The following ZNF804B variants were observed in gnomAD, a reference collection of about 807,000 sequenced individuals.
ZNF804B encodes zinc finger 804B.
Under a neutral mutation model 101.4 loss-of-function variants are expected in ZNF804B, and 80 were observed. The observed-to-expected ratio is 0.79, with a 90% CI of 0.66 to 0.95. The LOEUF is 0.95. Among genes scored for constraint, ZNF804B ranks in the 40% least tolerant of loss-of-function variants. The probability of loss-of-function intolerance (pLI) is 0.00; values close to 1 mark genes in which losing one functional copy is unlikely to be tolerated. For missense variants in ZNF804B, 1,673 were observed against 1,561.9 expected, an observed-to-expected ratio of 1.07 and a Z score of -1.20; for synonymous variants, 622 against 558.8, an observed-to-expected ratio of 1.11 and a Z score of -1.59.
intron 1 of ZNF804B, among the ~76,000 whole-genome samples, chr7:88,768,489 G>A (rs1448677667): frequency 6.6e-6 from 1 of 152,206 alleles, no homozygotes; most frequent in East Asian, 1.9e-4. Context: ...AGGCCCAGGT[G>A]GGCAGATTGC....
At chr7:88,818,977 G>C (rs1241443631) in intron 1 of ZNF804B, among the ~76,000 whole-genome samples, 1 of 152,002 alleles carries the variant, frequency 6.6e-6, no homozygotes, top group Non-Finnish European at 1.5e-5. Context: ...AACATTTTAG[G>C]CTCCTCATAC....
At chr7:88,925,634 C>T (rs1246303616) in intron 1 of ZNF804B, among the ~76,000 whole-genome samples, 1 of 151,934 alleles carries the variant, frequency 6.6e-6, no homozygotes, top group Non-Finnish European at 1.5e-5. Flanking sequence ...ATTAAAAAGT[C>T]GATGATAATA....
At chr7:88,820,525 A>G (rs769294216) in intron 1 of ZNF804B, among the ~76,000 whole-genome samples, 1 of 152,122 alleles carries the variant, frequency 6.6e-6, no homozygotes, top group Non-Finnish European at 1.5e-5. Flanking sequence ...GATCCTTTCC[A>G]TGGGGACTTG....
chr7:88,959,200 T>G (rs1475952479), intron 1 of ZNF804B, among the ~76,000 whole-genome samples: 1 of 151,458 alleles, frequency 6.6e-6, no homozygotes, highest in African/African-American at 2.4e-5. Context: ...AGTACACATT[T>G]CTTATGTATT....
At chr7:89,117,425 T>C (rs544071204) in intron 1 of ZNF804B, among the ~76,000 whole-genome samples, 1 of 151,560 alleles carries the variant, frequency 6.6e-6, no homozygotes, top group African/African-American at 2.4e-5. Context: ...AAATTTTCCT[T>C]CTAAGTTTCT....
intron 1 of ZNF804B, among the ~76,000 whole-genome samples, chr7:89,053,127 T>C (rs551065334): frequency 3.3e-5 from 5 of 152,304 alleles, no homozygotes; most frequent in Admixed American, 3.3e-4. Flanking sequence ...AGAATGTTTC[T>C]TACAGAATTT....
intron 2 of ZNF804B, among the ~76,000 whole-genome samples, chr7:89,238,003 A>C (rs1789310692): frequency 6.6e-6 from 1 of 152,152 alleles, no homozygotes; most frequent in Middle Eastern, 3.2e-3. Context: ...TAGAGATCTG[A>C]GCATATCTGT....
At position 89,193,913 on chromosome 7, in the gene ZNF804B, G is replaced by A. The variant is rs1444138184; in HGVS notation, c.109-24242G>A. On this transcript the variant is annotated intron_variant, in intron 1 of 3. Transcript: ENST00000333190. ...ACTGACTTCCACAATGGTTGAACTA[G>A]TTTACAGTCCCACCAACAGTGTAAA... is the stretch of plus-strand genomic sequence containing the variant. 2.6e-5 allele frequency among the ~76,000 whole-genome samples: 4 copies of A among 152,200 alleles called. No homozygotes were observed. The East Asian group carries it at 5.8e-4, about 22-fold the overall frequency.
chr7:88,992,506 G>C (rs577095574), intron 1 of ZNF804B, among the ~76,000 whole-genome samples: 16 of 152,132 alleles, frequency 1.1e-4, no homozygotes, highest in Admixed American at 4.6e-4. Context: ...TTTCTACTCA[G>C]GATGTCATAA....
At position 88,934,431 on chromosome 7, in the gene ZNF804B, G is replaced by A. The variant is rs115229152; in HGVS notation, c.108+174347G>A. Among the ~76,000 whole-genome samples the A allele has an allele frequency of 4.9e-3, 738 of 152,076 alleles. 4 individuals carry two copies. The highest frequency in any genetic ancestry group is 0.017 in the Middle Eastern group (5 of 294). ...AATAAAATGAAAAACTTTCTGCACA[G>A]CAAAAGAAATAATCAGCAGGGTAAA... On this transcript the variant is annotated intron_variant, in intron 1 of 3. Transcript: ENST00000333190.
At chr7:88,845,015 T>TA (rs1791347871) in intron 1 of ZNF804B, among the ~76,000 whole-genome samples, 1 of 152,194 alleles carries the variant, frequency 6.6e-6, no homozygotes, top group African/African-American at 2.4e-5. Context: ...GGTTTATTTT[T>TA]AAAAGAACTT....
intron 1 of ZNF804B, among the ~76,000 whole-genome samples, chr7:88,936,862 G>C (rs1031032068): frequency 1.3e-5 from 2 of 152,030 alleles, no homozygotes; most frequent in Admixed American, 6.6e-5. Context: ...GAGTTCAAAA[G>C]TGCTCAGCAT....
intron 1 of ZNF804B, among the ~76,000 whole-genome samples, chr7:89,147,103 T>TATATATATATATATA (rs1562897027): frequency 7.7e-6 from 1 of 130,188 alleles, no homozygotes; most frequent in South Asian, 2.3e-4. Flanking sequence ...ATATATATAT[T>TATATATATATATATA]TAATGTTTAA....
chr7:89,217,761 G>A (rs60925002), intron 1 of ZNF804B, among the ~76,000 whole-genome samples: 4,949 of 152,234 alleles, frequency 0.033, 247 homozygotes, highest in African/African-American at 0.11. Flanking sequence ...GAGAGCATAT[G>A]AAATGGATAA....
At chr7:89,064,090 T>C (rs921017689) in intron 1 of ZNF804B, among the ~76,000 whole-genome samples, 7 of 152,024 alleles carry the variant, frequency 4.6e-5, no homozygotes, top group Non-Finnish European at 7.4e-5. Flanking sequence ...TGAAGCAGGA[T>C]TGGGCAGAGG....
Position 89,171,279 on chromosome 7 carries a change from GCTGCTGCTGCTT to G in ZNF804B, c.109-46873_109-46862del, listed in dbSNP as rs1401766404. On this transcript the variant is annotated intron_variant, in intron 1 of 3. Transcript: ENST00000333190. ...ACTCAATGAAGTAGGCACAAATAATGCTGCTGCTGCTTCTTCTTCTTCTTCTTCTTCTTCTTC... is the reference window on the plus strand; with the variant it reads ...ACTCAATGAAGTAGGCACAAATAATGCTTCTTCTTCTTCTTCTTCTTCTTC... Among the ~76,000 whole-genome samples the G allele has an allele frequency of 1.5e-3, 109 of 70,600 alleles. 1 individual carries two copies. The highest frequency in any genetic ancestry group is 2.7e-3 in the African/African-American group (45 of 16,744). 46.3% of individuals were successfully genotyped at this position (70,600 alleles called of 152,430 possible).
chr7:88,995,438 C>A (rs1009859476), intron 1 of ZNF804B, among the ~76,000 whole-genome samples: 1 of 151,880 alleles, frequency 6.6e-6, no homozygotes, highest in South Asian at 2.1e-4. Flanking sequence ...GAAATTCCAA[C>A]AAAAATGATG....
chr7:89,160,701 T>C (rs1791046322), intron 1 of ZNF804B, among the ~76,000 whole-genome samples: 1 of 152,138 alleles, frequency 6.6e-6, no homozygotes, highest in African/African-American at 2.4e-5. Flanking sequence ...GGGACTTTTG[T>C]GGTTGTTATT....
chr7:89,233,938 A>G (rs949810307), intron 2 of ZNF804B, among the ~76,000 whole-genome samples: 5 of 152,160 alleles, frequency 3.3e-5, no homozygotes, highest in African/African-American at 9.7e-5. Flanking sequence ...TTTCTTAAGA[A>G]GTAGTTTTGT....
Sources: gnomAD v4.1 joint callset for allele counts (sites outside exome capture counted in the v4.1 genomes callset) on GRCh38, gnomAD v4.1.1 for gene constraint, MANE v1.5 for transcripts, NCBI Gene and HGNC (gene_info 2026-07-23, HGNC 2026-07-21) for gene names.